INO80D: variants seen among roughly 807,000 people sequenced by gnomAD.
INO80D encodes INO80 complex subunit D.
A neutral mutation model predicts 87.6 loss-of-function variants in INO80D; 21 were observed. The observed-to-expected ratio is 0.24, with a 90% CI of 0.17 to 0.35. The LOEUF (loss-of-function observed/expected upper bound fraction) is 0.35, where lower values mean the gene tolerates loss of function less well. INO80D is among the 10% of genes least tolerant of loss of function. INO80D has a pLI of 1.00. For missense variants in INO80D, 982 were observed against 1,280.7 expected (o/e 0.77, Z 3.56); for synonymous variants, 440 against 491.0 (o/e 0.90, Z 1.37).
At chr2:206,043,209 T>C (rs937896589) in intron 5 of INO80D, among the ~76,000 whole-genome samples, 1 of 152,068 alleles carries the variant, frequency 6.6e-6, no homozygotes, top group Admixed American at 6.5e-5. Context: ...TCTCACTCTG[T>C]TGCCCAGGCT....
intron 1 of INO80D, among the ~76,000 whole-genome samples, chr2:206,064,880 A>G (rs1230506896): frequency 1.0e-5 from 1 of 100,240 alleles, no homozygotes; most frequent in Non-Finnish European, 2.3e-5. Flanking sequence ...TCTGGAGGGA[A>G]AAAAAATCAC....
chr2:206,080,099 T>C (rs374077634), intron 1 of INO80D, among the ~76,000 whole-genome samples: 9 of 152,326 alleles, frequency 5.9e-5, no homozygotes, highest in East Asian at 1.9e-4. Context: ...CTTATTTTTC[T>C]TCTCCAATAG....
Position 205,998,500 on chromosome 2 carries a change from A to G in INO80D, c.*5868T>C, listed in dbSNP as rs1240683847. 2 of 151,758 alleles carry G rather than the reference A, an allele frequency of 1.3e-5. No homozygotes were observed. Among genetic ancestry groups the G allele is most frequent in the Non-Finnish European group, 2.9e-5 (2 of 67,962 alleles). 9.4% of individuals were successfully genotyped at this position (151,758 alleles called of 1,614,324 possible). ...TCATATATATTTAGCTATTAAACAC[A>G]TAGGCAACATAATTCATTACACTCG... On this transcript the variant is annotated 3_prime_UTR_variant, in exon 11 of 11. Coordinates refer to ENST00000403263, the MANE Select transcript of INO80D (RefSeq NM_017759.5).
At chr2:206,043,463 C>T (rs1689108286) in intron 5 of INO80D, among the ~76,000 whole-genome samples, 1 of 150,084 alleles carries the variant, frequency 6.7e-6, no homozygotes, top group Non-Finnish European at 1.5e-5. Context: ...AACTACCGTG[C>T]TCAGCCAGGT....
Position 206,085,215 on chromosome 2 carries a change from C to G in INO80D, c.-124+686G>C, listed in dbSNP as rs964706907. Among the ~76,000 whole-genome samples the G allele has an allele frequency of 7.2e-5, 11 of 152,124 alleles. No homozygotes were observed. The highest frequency in any genetic ancestry group is 1.2e-4 in the Non-Finnish European group (8 of 67,998). ...GCCGCGGCTGCACCTGACTCCTCAC[C>G]GCCCCTCCACCCGACCCCACGCCCG... On this transcript the variant is annotated intron_variant, in intron 1 of 10. Coordinates refer to ENST00000403263, the MANE Select transcript of INO80D (RefSeq NM_017759.5). This position sits in a 1 kb window ranked among gnomAD's most constrained non-coding sequence, Gnocchi z 4.5.
Position 206,071,215 on chromosome 2 carries a change from T to C in INO80D, c.-123-7971A>G. 2.2e-5 allele frequency among the ~76,000 whole-genome samples: 3 copies of C among 133,426 alleles called. 1 individual carries two copies. The highest frequency in any genetic ancestry group is 5.5e-5 in the African/African-American group (2 of 36,162). The allele number at this position is 133,426 out of a possible 152,430, so 87.5% of individuals were successfully genotyped here. On this transcript the variant is annotated intron_variant, in intron 1 of 10. Transcript: ENST00000403263. ...CTCAGGTGATCCGCCTGCCTCAGCC[T>C]CCCAAAGTGCTGGGATTACAGGCAT...
intron 1 of INO80D, among the ~76,000 whole-genome samples, chr2:206,065,655 T>C (rs1337370329): frequency 6.6e-6 from 1 of 151,892 alleles, no homozygotes; most frequent in Non-Finnish European, 1.5e-5. Flanking sequence ...GGGATTAACA[T>C]CCAGTATATA....
Position 206,005,126 on chromosome 2 carries a change from C to T in INO80D, c.2326G>A (p.Gly776Arg). Residue 776 changes from glycine to arginine, a missense_variant, in exon 11 of 11, where the codon GGG becomes AGG. Transcript: ENST00000403263. ...AACTGTCCTGGGAAGGCTCTCTCCC[C>T]AAGTGCACTCTGGCTGATCAGAGTG... ...SATLISQSAL[G>R]ERAFPGQFHG... 6.2e-7 allele frequency: 1 copy of T among 1,614,002 alleles called. No homozygotes were observed.
At chr2:206,047,747 A>G (rs965850708) in intron 4 of INO80D, among the ~76,000 whole-genome samples, 2 of 152,122 alleles carry the variant, frequency 1.3e-5, no homozygotes, top group Admixed American at 6.6e-5. Context: ...AAAGGTAGAA[A>G]CACTCCATCC....
intron 4 of INO80D, among the ~76,000 whole-genome samples, chr2:206,050,496 G>GAAAAAAAAA (rs3079265): frequency 3.0e-5 from 3 of 99,544 alleles, no homozygotes; most frequent in Admixed American, 1.1e-4. Flanking sequence ...CGTCTCAAAA[G>GAAAAAAAAA]AAAAAAAAAA....
intron 1 of INO80D, among the ~76,000 whole-genome samples, chr2:206,066,172 C>A (rs151329895): frequency 2.0e-5 from 3 of 152,004 alleles, no homozygotes; most frequent in African/African-American, 7.2e-5. Flanking sequence ...GCAGGAGGAT[C>A]GCCTGAACCC....
rs780611499 is a variant in INO80D, at chr2:206,085,782, GC to G, written c.-124+118del. 3 of 151,566 alleles carry G rather than the reference GC, an allele frequency of 2.0e-5. No homozygotes were observed. Among genetic ancestry groups the G allele is most frequent in the Non-Finnish European group, 2.9e-5 (2 of 67,918 alleles). 9.4% of individuals were successfully genotyped at this position (151,566 alleles called of 1,614,324 possible). ...ATTCTCCGCCCGGGGCCTGGCGTGGGCCGGCGAATCCCCGGCCTCACGTAAG... is the reference window on the plus strand; with the variant it reads ...ATTCTCCGCCCGGGGCCTGGCGTGGGCGGCGAATCCCCGGCCTCACGTAAG... On this transcript the variant is annotated intron_variant, in intron 1 of 10. Transcript: ENST00000403263. The surrounding 1 kb of genome is among the most constrained non-coding windows in gnomAD (Gnocchi z 4.5).
At chr2:206,010,509 TTTTC>T (rs1688143762) in intron 8 of INO80D, among the ~76,000 whole-genome samples, 1 of 152,170 alleles carries the variant, frequency 6.6e-6, no homozygotes, top group Non-Finnish European at 1.5e-5. Context: ...GCAACATTTT[TTTTC>T]TTTCTTATTG....
At chr2:206,032,180 CT>C (rs1456764053) in intron 5 of INO80D, among the ~76,000 whole-genome samples, 1 of 152,160 alleles carries the variant, frequency 6.6e-6, no homozygotes, top group East Asian at 1.9e-4. Flanking sequence ...GGCGAGAAGC[CT>C]CCTGGCCAGA....
chr2:206,080,719 A>G (rs901412400), intron 1 of INO80D, among the ~76,000 whole-genome samples: 1 of 151,922 alleles, frequency 6.6e-6, no homozygotes, highest in Non-Finnish European at 1.5e-5. Context: ...CATCCTGGCT[A>G]ACACGGTGAA....
At chr2:206,042,419 C>A (rs1041662053) in intron 5 of INO80D, among the ~76,000 whole-genome samples, 16 of 151,992 alleles carry the variant, frequency 1.1e-4, no homozygotes, top group African/African-American at 3.9e-4. Context: ...AGGTGGCTCA[C>A]GCCTGTAATC....
At chr2:206,059,746 T>C (rs950803401) in intron 3 of INO80D, among the ~76,000 whole-genome samples, 3 of 152,140 alleles carry the variant, frequency 2.0e-5, no homozygotes, top group Non-Finnish European at 4.4e-5. Flanking sequence ...ACACCGTGTG[T>C]GTGTGTGTCT....
rs1687867384 is a variant in INO80D, at chr2:205,999,473, A to G, written c.*4895T>C. The G allele has an allele frequency of 6.6e-6, 1 of 152,234 alleles. No individual in the cohort carries two copies. The highest frequency in any genetic ancestry group is 2.4e-5 in the African/African-American group (1 of 41,468). 9.4% of individuals were successfully genotyped at this position (152,234 alleles called of 1,614,324 possible). A position where few individuals can be genotyped will look rare whatever the true frequency, so the allele number is the denominator to read the frequency against. On this transcript the variant is annotated 3_prime_UTR_variant, in exon 11 of 11. Transcript: ENST00000403263. ...AGTATTGGGGAACATAGGGTAAAAA[A>G]GTCATACCCAATTTGCTTGCTCTCT...
chr2:206,033,554 C>T (rs1008053220), intron 5 of INO80D, among the ~76,000 whole-genome samples: 5 of 152,096 alleles, frequency 3.3e-5, no homozygotes, highest in African/African-American at 1.2e-4. Flanking sequence ...AATAATGACA[C>T]AACCTATGAA....
Sources: gnomAD v4.1 joint callset for allele counts (sites outside exome capture counted in the v4.1 genomes callset) on GRCh38, gnomAD v4.1.1 for gene constraint, Gnocchi (gnomAD v3.1) non-coding constraint, MANE v1.5 for transcripts, NCBI Gene and HGNC (gene_info 2026-07-23, HGNC 2026-07-21) for gene names.